Variants in ATP7B observed in about 807,000 individuals in gnomAD.
ATP7B encodes ATPase copper transporting beta, also known as copper-transporting ATPase 2.
ATP7B carries 113 observed loss-of-function variants against 118.9 expected under a neutral mutation model. The ratio of observed to expected loss-of-function variants is 0.95; its 90% CI spans 0.82 to 1.11. The LOEUF (loss-of-function observed/expected upper bound fraction) is 1.11, where lower values mean the gene tolerates loss of function less well. Ranked by LOEUF, ATP7B falls within the 50% of genes most tolerant of loss-of-function variation. ATP7B has a pLI of 0.00. For synonymous variants in ATP7B, 777 were observed against 727.4 expected, an observed-to-expected ratio of 1.07 and a Z score of -1.10; for missense variants, 1,867 against 1,871.4, an observed-to-expected ratio of 1.00 and a Z score of 0.04.
rs1209399847 is a variant in ATP7B at position 51,970,499 on chromosome 13, T to G, written c.1536A>C (p.Lys512Asn). 1 of 1,614,224 alleles carries G rather than the reference T, an allele frequency of 6.2e-7. No individual in the cohort carries two copies. The highest frequency in any genetic ancestry group is 2.2e-5 in the East Asian group (1 of 44,882). Reference sequence around the variant, plus strand: ...TGGGCGTTCATCTCTTACCAGCTTCTTTCTGCAGATTCCTTTCTATGTTAG... The same window carrying G: ...TGGGCGTTCATCTCTTACCAGCTTCGTTCTGCAGATTCCTTTCTATGTTAG... ...CVSNIERNLQ[K>N]EAGVLSVLVA... is the part of the protein sequence containing the mutation. Residue 512 changes from lysine (K) to asparagine (N), a missense_variant, in exon 3 of 21, where the codon AAA becomes AAC. Lys to Asn is a moderately conservative substitution (Grantham distance 94). Transcript: ENST00000242839.
upstream of ATP7B, chr13:52,011,487 T>C (rs936664667): frequency 6.7e-6 from 6 of 891,512 alleles, no homozygotes; most frequent in Non-Finnish European, 9.0e-6. Context: ...CAAACAGGGG[T>C]CCGGGAACCG....
Position 51,958,300 on chromosome 13 carries a change from G to C in ATP7B, c.2355+11C>G, listed in dbSNP as rs760518134. ...GGAGCAGCTCTTTTCTGAACCTGAA[G>C]CTGCTGTTACCTTTGCCAAGTGTTC... is the stretch of plus-strand genomic sequence containing the variant. On this transcript the variant is annotated intron_variant, in intron 8 of 20. Transcript: ENST00000242839. 2 of 1,613,706 alleles carry C rather than the reference G, an allele frequency of 1.2e-6. No individual in the cohort carries two copies. Among genetic ancestry groups the C allele is most frequent in the Admixed American group, 3.3e-5 (2 of 60,028 alleles).
intron 4 of ATP7B, among the ~76,000 whole-genome samples, chr13:51,968,140 T>C (rs775689900): frequency 1.3e-5 from 2 of 152,164 alleles, no homozygotes; most frequent in African/African-American, 2.4e-5. Flanking sequence ...ACCACCCAGC[T>C]CAGGGCAGTC....
chr13:52,011,262 G>C (rs777730229), intron 1 of ATP7B, 25 bp downstream of exon 1: 2 of 1,614,166 alleles, frequency 1.2e-6, no homozygotes, highest in East Asian at 4.5e-5. Context: ...AGCACGCTGC[G>C]CGGACGCGGG....
At chr13:52,010,442 G>C (rs1348751454) in intron 1 of ATP7B, among the ~76,000 whole-genome samples, 2 of 152,204 alleles carry the variant, frequency 1.3e-5, no homozygotes, top group Non-Finnish European at 2.9e-5. Flanking sequence ...TTGCAAGAGA[G>C]AGAGAAAAAA....
intron 1 of ATP7B, among the ~76,000 whole-genome samples, chr13:52,003,992 C>T (rs1953653696): frequency 6.6e-6 from 1 of 152,286 alleles, no homozygotes; most frequent in East Asian, 1.9e-4. Context: ...GGCGCGGTGG[C>T]TCACACCTGT....
At chr13:51,999,327 TCTC>T (rs1471894608) in intron 1 of ATP7B, among the ~76,000 whole-genome samples, 2 of 152,054 alleles carry the variant, frequency 1.3e-5, no homozygotes, top group African/African-American at 2.4e-5. Context: ...AGGCTTGGCT[TCTC>T]CTCCCCATAT....
chr13:52,010,907 AG>A (rs771860413), intron 1 of ATP7B, among the ~76,000 whole-genome samples: 1 of 152,240 alleles, frequency 6.6e-6, no homozygotes, highest in Non-Finnish European at 1.5e-5. Context: ...CAGTTATAAA[AG>A]TTCCAGGACC....
chr13:52,009,196 T>G (rs1416631240), intron 1 of ATP7B, among the ~76,000 whole-genome samples: 1 of 152,224 alleles, frequency 6.6e-6, no homozygotes, highest in Non-Finnish European at 1.5e-5. Context: ...CAAAACAGAC[T>G]TATTGGAAAT....
At chr13:51,996,601 C>T (rs764449283) in intron 1 of ATP7B, among the ~76,000 whole-genome samples, 36 of 152,222 alleles carry the variant, frequency 2.4e-4, no homozygotes, top group Non-Finnish European at 4.1e-4. Context: ...AGTGAGGGCA[C>T]TCAGAACACA....
chr13:51,941,982 T>C (rs1021798524), intron 15 of ATP7B, among the ~76,000 whole-genome samples: 6 of 152,216 alleles, frequency 3.9e-5, no homozygotes, highest in Non-Finnish European at 8.8e-5. Context: ...CCTTCCTGGC[T>C]TGGGCAGACA....
At position 51,970,564 on chromosome 13, in the gene ATP7B, A is replaced by G. The variant is rs754830185; in HGVS notation, c.1471T>C (p.Phe491Leu). Residue 491 changes from phenylalanine to leucine, a missense_variant, in exon 3 of 21, where the codon TTC becomes CTC. Coordinates refer to ENST00000242839, the MANE Select transcript of ATP7B (RefSeq NM_000053.4). ...CAGGTCATGCCTTTGATCTGTAAGA[A>G]GCACTTCTGCGGTGCCACTGCTCTG... ...STRAVAPQKC[F>L]LQIKGMTCAS... The G allele has an allele frequency of 1.2e-6, 2 of 1,614,160 alleles. No individual in the cohort carries two copies. The highest frequency in any genetic ancestry group is 1.7e-6 in the Non-Finnish European group (2 of 1,180,014).
chr13:51,949,969 G>T, intron 11 of ATP7B, 38 bp downstream of exon 11: 1 of 1,613,810 alleles, frequency 6.2e-7, no homozygotes, highest in South Asian at 1.1e-5. Flanking sequence ...TTTCTAAAAC[G>T]AGAAAGATGA....
At chr13:51,990,600 A>G (rs1411466199) in intron 1 of ATP7B, among the ~76,000 whole-genome samples, 1 of 152,262 alleles carries the variant, frequency 6.6e-6, no homozygotes, top group African/African-American at 2.4e-5. Context: ...ACTTTTAGGA[A>G]AAACTAAATT....
At chr13:51,946,888 C>A (rs1957699983) in intron 12 of ATP7B, among the ~76,000 whole-genome samples, 2 of 152,196 alleles carry the variant, frequency 1.3e-5, no homozygotes, top group Admixed American at 1.3e-4. Context: ...CAGTACATAA[C>A]ACCTGGCATA....
rs1011205374 is a variant in ATP7B at position 51,965,140 on chromosome 13, C to T, written c.1708-107G>A. ...AGGCAGCCAAGAGCCTTTCCCTCCT[C>T]AGCACTGCTCTCAAGACCCTGGACT... On this transcript the variant is annotated intron_variant, in intron 4 of 20. Transcript: ENST00000242839. 3.6e-6 allele frequency: 5 copies of T among 1,381,902 alleles called. No homozygotes were observed. In the African/African-American group the frequency reaches 7.1e-5, roughly 20 times the overall value. 85.6% of individuals were successfully genotyped at this position (1,381,902 alleles called of 1,614,324 possible).
rs145553871 is a variant in ATP7B, at chr13:51,956,140, A to G, written c.2447+1376T>C. 3.5e-3 allele frequency among the ~76,000 whole-genome samples: 540 copies of G among 152,326 alleles called. 2 individuals carry two copies. The highest frequency in any genetic ancestry group is 0.012 in the African/African-American group (499 of 41,580). ...CTCAGTTGCCAGTCCTACAATTGTGATGATCATTTAAAAGCCAGGATCCAG... is the reference window on the plus strand; with the variant it reads ...CTCAGTTGCCAGTCCTACAATTGTGGTGATCATTTAAAAGCCAGGATCCAG... On this transcript the variant is annotated intron_variant, in intron 9 of 20. Coordinates refer to ENST00000242839, the MANE Select transcript of ATP7B (RefSeq NM_000053.4).
At chr13:51,969,388 A>G (rs1225618040) in intron 3 of ATP7B, among the ~76,000 whole-genome samples, 1 of 151,930 alleles carries the variant, frequency 6.6e-6, no homozygotes, top group Admixed American at 6.6e-5. Context: ...CAATGAAATA[A>G]GGAATGTGGT....
In ATP7B at chr13:51,937,307, A is replaced by G. The variant is rs1957027085; in HGVS notation, c.3990T>C (p.Ile1330=). ...RIRINLVLAL[I]YNLVGIPIAA... Reference sequence around the variant, plus strand: ...CAATGGGTATCCCAACCAGGTTATAAATCAGTGCCAGGACCAGGTTGATGC... The same window carrying G: ...CAATGGGTATCCCAACCAGGTTATAGATCAGTGCCAGGACCAGGTTGATGC... The change falls in exon 19 of 21, where the codon ATT becomes ATC. Residue 1330 remains isoleucine (I), a synonymous_variant. Transcript: ENST00000242839. 2.5e-6 allele frequency: 4 copies of G among 1,614,184 alleles called. No individual in the cohort carries two copies. In the East Asian group the frequency reaches 8.9e-5, roughly 36 times the overall value.
Sources: allele counts gnomAD v4.1 joint callset (sites outside exome capture counted in the v4.1 genomes callset), GRCh38; gene constraint gnomAD v4.1.1; transcripts MANE v1.5; gene names NCBI Gene and HGNC (gene_info 2026-07-23, HGNC 2026-07-21).